The following ODAM variants were observed in gnomAD, a reference collection of about 807,000 sequenced individuals.
The protein encoded by ODAM is odontogenic ameloblast-associated protein.
ODAM carries 55 observed loss-of-function variants against 48.5 expected under a neutral mutation model. The ratio of observed to expected loss-of-function variants is 1.13; its 90% CI spans 0.91 to 1.42. The LOEUF (loss-of-function observed/expected upper bound fraction) is 1.42, where lower values mean the gene tolerates loss of function less well. Ranked by LOEUF, ODAM falls within the 40% of genes most tolerant of loss-of-function variation. ODAM has a pLI of 0.00. For missense variants in ODAM, 353 were observed against 323.6 expected, an observed-to-expected ratio of 1.09 and a Z score of -0.70; for synonymous variants, 127 against 107.8, an observed-to-expected ratio of 1.18 and a Z score of -1.10.
At chr4:70,200,877 G>T (rs1218699300) in intron 7 of ODAM, among the ~76,000 whole-genome samples, 1 of 151,914 alleles carries the variant, frequency 6.6e-6, no homozygotes, top group African/African-American at 2.4e-5. Flanking sequence ...CTCGAAAAGT[G>T]AAGTTTTCTC....
In ODAM at chr4:70,202,762, G is replaced by A. The variant is rs756469533; in HGVS notation, c.655G>A (p.Gly219Arg). Residue 219 changes from glycine to arginine, a missense_variant, in exon 10 of 12, where the codon GGA (glycine) becomes AGA (arginine). Coordinates refer to ENST00000683306, the MANE Select transcript of ODAM (RefSeq NM_017855.4). ...TAPEIAVMST[G>R]EEIPYLQKEA... ...TCATTCTCATTCTCTGTAGTCAACA[G>A]GAGAAGAGATACCATATTTACAAAA... is the stretch of plus-strand genomic sequence containing the variant. The A allele has an allele frequency of 6.2e-7, 1 of 1,608,864 alleles. No homozygotes were observed. Among genetic ancestry groups the A allele is most frequent in the Non-Finnish European group, 8.5e-7 (1 of 1,177,506 alleles).
At chr4:70,202,201 A>G (rs1729511528) in intron 8 of ODAM, 57 bp from the exon 9 acceptor site, 2 of 1,314,500 alleles carry the variant, frequency 1.5e-6, no homozygotes, top group African/African-American at 2.9e-5. Context: ...GGGTGGCCAA[A>G]GAGCATATTT....
Position 70,203,180 on chromosome 4 carries a change from C to G in ODAM, c.835C>G (p.Pro279Ala). Residue 279 changes from proline (P) to alanine (A), a missense_variant, in exon 11 of 12, where the codon CCA becomes GCA. By Grantham distance (27) the Pro-to-Ala change is conservative. Coordinates refer to ENST00000683306, the MANE Select transcript of ODAM (RefSeq NM_017855.4). Reference protein sequence around the residue: ...EKDKTDSLREP With the variant: ...EKDKTDSLREA Reference sequence around the variant, plus strand: ...GGACAAGACTGACAGCCTAAGGGAACCATAAGAAGTTGCCCTGATCATTCA... The same window carrying G: ...GGACAAGACTGACAGCCTAAGGGAAGCATAAGAAGTTGCCCTGATCATTCA... 1 of 1,602,214 alleles carries G rather than the reference C, an allele frequency of 6.2e-7. No individual in the cohort carries two copies. The highest frequency in any genetic ancestry group is 8.5e-7 in the Non-Finnish European group (1 of 1,170,492).
chr4:70,200,369 T>C, intron 6 of ODAM, 128 bp from the exon 7 acceptor site: 1 of 562,516 alleles, frequency 1.8e-6, no homozygotes, highest in Non-Finnish European at 3.1e-6. Flanking sequence ...ATCTATTTGC[T>C]TTGTATTTAA....
At position 70,204,339 on chromosome 4, in the gene ODAM, A is replaced by G. The variant is rs1243372914; in HGVS notation, c.*194A>G. 6.6e-6 allele frequency: 1 copy of G among 152,064 alleles called. No individual in the cohort carries two copies. The highest frequency in any genetic ancestry group is 1.5e-5 in the Non-Finnish European group (1 of 67,976). 9.4% of individuals were successfully genotyped at this position (152,064 alleles called of 1,614,324 possible). On this transcript the variant is annotated 3_prime_UTR_variant, in exon 12 of 12. Transcript: ENST00000683306. Reference sequence around the variant, plus strand: ...TAAATATGTCATAGAAAATAATACAATCATGTAATGAGTCTTGTCTTACAA... The same window carrying G: ...TAAATATGTCATAGAAAATAATACAGTCATGTAATGAGTCTTGTCTTACAA...
chr4:70,203,272 A>C lies in ODAM; in HGVS notation c.*29+58A>C, dbSNP rs1260136773. ...CACGACAATTCCTACATAAGAAGAC[A>C]AAAGAAAAAAGTTGGCAGAGGAGCT... On this transcript the variant is annotated intron_variant, in intron 11 of 11. Transcript: ENST00000683306. 7 of 1,032,184 alleles carry C rather than the reference A, an allele frequency of 6.8e-6. No individual in the cohort carries two copies. The East Asian group carries it at 1.4e-4, about 21-fold the overall frequency. 63.9% of individuals were successfully genotyped at this position (1,032,184 alleles called of 1,614,324 possible).
chr4:70,198,272 A>C, intron 5 of ODAM, 115 bp downstream of exon 5: 1 of 859,510 alleles, frequency 1.2e-6, no homozygotes, highest in Non-Finnish European at 1.8e-6. Context: ...ATTTTTTCTC[A>C]TTATATGTTT....
In ODAM at chr4:70,197,730, T is replaced by C. The variant is rs570688687; in HGVS notation, c.142-194T>C. The C allele has an allele frequency of 8.2e-5, 49 of 600,538 alleles. No homozygotes were observed. In the African/African-American group the frequency reaches 8.4e-4, roughly 10 times the overall value. 37.2% of individuals were successfully genotyped at this position (600,538 alleles called of 1,614,324 possible). On this transcript the variant is annotated intron_variant, in intron 4 of 11. Coordinates refer to ENST00000683306, the MANE Select transcript of ODAM (RefSeq NM_017855.4). ...ACCTTATCCTGCCCCATATTTCTCA[T>C]GGCCATCGGGAATTTAGCATTTGCT... is the stretch of plus-strand genomic sequence containing the variant.
In ODAM at chr4:70,202,839, T is replaced by C. The variant is rs190328480; in HGVS notation, c.732T>C (p.Thr244=). ...HDSAGVFMPS[T]SPKPSTTNVF... ...GTGCAGGAGTTTTCATGCCCTCAAC[T>C]TCACCAAAACCCAGCACAACCAATG... The change falls in exon 10 of 12, where the codon ACT becomes ACC. Residue 244 remains threonine, a synonymous_variant. Coordinates refer to ENST00000683306, the MANE Select transcript of ODAM (RefSeq NM_017855.4). 7 of 1,612,320 alleles carry C rather than the reference T, an allele frequency of 4.3e-6. No individual in the cohort carries two copies. Among genetic ancestry groups the C allele is most frequent in the Non-Finnish European group, 5.9e-6 (7 of 1,178,992 alleles).
rs1195809857 is a variant in ODAM, at chr4:70,198,445, C to T, written c.376-134C>T. 3.0e-5 allele frequency: 21 copies of T among 707,166 alleles called. 1 individual carries two copies. The highest frequency in any genetic ancestry group is 7.1e-4 in the Middle Eastern group (2 of 2,830). The allele number at this position is 707,166 out of a possible 1,614,324, so 43.8% of individuals were successfully genotyped here. ...AGGCAGTTTATGTCAGCACATGTAACGGATGACTTTTTGTTGTGGAAACTT... is the reference window on the plus strand; with the variant it reads ...AGGCAGTTTATGTCAGCACATGTAATGGATGACTTTTTGTTGTGGAAACTT... On this transcript the variant is annotated intron_variant, in intron 5 of 11. Transcript: ENST00000683306.
In ODAM at chr4:70,200,516, T is replaced by G. The variant is rs1729472302; in HGVS notation, c.443T>G (p.Val148Gly). Residue 148 changes from valine (V) to glycine (G), a missense_variant, in exon 7 of 12, where the codon GTT (valine) becomes GGT (glycine). Val to Gly is a moderately radical substitution (Grantham distance 109, BLOSUM62 -3). Coordinates refer to ENST00000683306, the MANE Select transcript of ODAM (RefSeq NM_017855.4). ...AAGTAGATGTTTCAATACTATCCAG[T>G]TTACATGGTCCTACCCTGGGAACAA... The part of the protein sequence containing the change: ...EQGQMFQYYP[V>G]YMVLPWEQPQ... 4 of 1,607,046 alleles carry G rather than the reference T, an allele frequency of 2.5e-6. No homozygotes were observed. The East Asian group carries it at 6.7e-5, about 27-fold the overall frequency.
At chr4:70,200,137 T>C in intron 6 of ODAM, 1 of 446,782 alleles carries the variant, frequency 2.2e-6, no homozygotes, top group South Asian at 1.6e-5. Flanking sequence ...ATGATGATTC[T>C]CAAAAATATA....
chr4:70,202,426 C>T, intron 9 of ODAM, 97 bp downstream of exon 9: 1 of 1,021,438 alleles, frequency 9.8e-7, no homozygotes, highest in South Asian at 1.3e-5. Context: ...GTTGTAATTC[C>T]ATCAATAATT....
intron 4 of ODAM, among the ~76,000 whole-genome samples, 154 bp downstream of exon 4, chr4:70,197,475 T>C (rs1729397358): frequency 6.6e-6 from 1 of 152,076 alleles, no homozygotes; most frequent in African/African-American, 2.4e-5. Context: ...GGCCATTTGC[T>C]TGAAGATTAA....
chr4:70,203,929 G>C (rs183413912), intron 11 of ODAM, among the ~76,000 whole-genome samples: 2 of 151,988 alleles, frequency 1.3e-5, no homozygotes, highest in African/African-American at 4.8e-5. Context: ...ACAACCAAGT[G>C]AACAGTAATA....
chr4:70,199,965 G>T, intron 6 of ODAM: 1 of 312,296 alleles, frequency 3.2e-6, no homozygotes, highest in Non-Finnish European at 6.1e-6. Context: ...AATGTAGGTG[G>T]GGAAGTTTCA....
rs201160917 is a variant in ODAM at position 70,201,509 on chromosome 4, A to T, written c.576+8A>T. On this transcript the variant is annotated splice_region_variant and intron_variant, in intron 8 of 11. Coordinates refer to ENST00000683306, the MANE Select transcript of ODAM (RefSeq NM_017855.4). ...CCACAACTAGCAGAACCTGTAAGTA[A>T]ATGCATATTTTTCATTAAAAATATT... is the stretch of plus-strand genomic sequence containing the variant. The T allele has an allele frequency of 7.0e-7, 1 of 1,422,284 alleles. No individual in the cohort carries two copies. Among genetic ancestry groups the T allele is most frequent in the African/African-American group, 1.4e-5 (1 of 70,796 alleles). The allele number at this position is 1,422,284 out of a possible 1,614,324, so 88.1% of individuals were successfully genotyped here. A position where few individuals can be genotyped will look rare whatever the true frequency, so the allele number is the denominator to read the frequency against.
Position 70,202,765 on chromosome 4 carries a change from G to A in ODAM, c.658G>A (p.Glu220Lys), listed in dbSNP as rs758142715. 3.3e-5 allele frequency: 53 copies of A among 1,609,486 alleles called. No individual in the cohort carries two copies. Among genetic ancestry groups the A allele is most frequent in the South Asian group, 1.8e-4 (16 of 90,628 alleles). The change falls in exon 10 of 12, where the codon GAA becomes AAA. Residue 220 changes from glutamate (E) to lysine (K), a missense_variant. Coordinates refer to ENST00000683306, the MANE Select transcript of ODAM (RefSeq NM_017855.4). Reference protein sequence around the residue: ...APEIAVMSTGEEIPYLQKEAI... With the variant: ...APEIAVMSTGKEIPYLQKEAI... ...TTCTCATTCTCTGTAGTCAACAGGA[G>A]AAGAGATACCATATTTACAAAAAGA...
rs1729571814 is a variant in ODAM, at chr4:70,204,389, T to C, written c.*244T>C. ...AAATTATATGTCTCTTCAAATATCC[T>C]ATCATTGTATAATATGGAATATAAT... On this transcript the variant is annotated 3_prime_UTR_variant, in exon 12 of 12. Coordinates refer to ENST00000683306, the MANE Select transcript of ODAM (RefSeq NM_017855.4). 1 of 152,080 alleles carries C rather than the reference T, an allele frequency of 6.6e-6. No homozygotes were observed. The highest frequency in any genetic ancestry group is 1.5e-5 in the Non-Finnish European group (1 of 67,986). The allele number at this position is 152,080 out of a possible 1,614,324, so 9.4% of individuals were successfully genotyped here.
Sources: allele counts gnomAD v4.1 joint callset (sites outside exome capture counted in the v4.1 genomes callset), GRCh38; gene constraint gnomAD v4.1.1; transcripts MANE v1.5; gene names NCBI Gene and HGNC (gene_info 2026-07-23, HGNC 2026-07-21).